DBT: variants seen among roughly 807,000 people sequenced by gnomAD.
The protein encoded by DBT is lipoamide acyltransferase component of branched-chain alpha-keto acid dehydrogenase complex, mitochondrial.
Under a neutral mutation model 51.3 loss-of-function variants are expected in DBT, and 40 were observed. The ratio of observed to expected loss-of-function variants is 0.78; its 90% CI spans 0.61 to 1.02. DBT has a LOEUF of 1.02. Among genes scored for constraint, DBT ranks in the 50% least tolerant of loss-of-function variants. The pLI, the probability that DBT is intolerant of heterozygous loss-of-function variation, is 0.00. For missense variants in DBT, 510 were observed against 580.2 expected (o/e 0.88, Z 1.24); for synonymous variants, 181 against 190.4 (o/e 0.95, Z 0.41).
At chr1:100,219,714 A>T (rs936535618) in intron 4 of DBT, among the ~76,000 whole-genome samples, 6 of 152,048 alleles carry the variant, frequency 3.9e-5, no homozygotes, top group Admixed American at 3.9e-4. Context: ...GCGCCACGGC[A>T]CTCTAGGTTG....
At chr1:100,213,483 T>G in intron 7 of DBT, 1 of 1,546,058 alleles carries the variant, frequency 6.5e-7, no homozygotes, top group Middle Eastern at 1.7e-4. Flanking sequence ...AGCTGGACCG[T>G]CATCCGCTAT....
intron 5 of DBT, among the ~76,000 whole-genome samples, chr1:100,216,859 T>C (rs1662525240): frequency 6.6e-6 from 1 of 152,156 alleles, no homozygotes; most frequent in East Asian, 1.9e-4. Flanking sequence ...TAAATAAAAA[T>C]AAACATAAAA....
intron 4 of DBT, among the ~76,000 whole-genome samples, chr1:100,225,022 C>CA (rs1553231585): frequency 0.33 from 21,546 of 64,546 alleles, 7,215 homozygotes; most frequent in East Asian, 0.56. Flanking sequence ...CGTCTCCCCC[C>CA]AAAAAAAAAA....
At position 100,193,862 on chromosome 1, in the gene DBT, A is replaced by G. The variant is rs1199947327; in HGVS notation, c.*2393T>C. On this transcript the variant is annotated 3_prime_UTR_variant, in exon 11 of 11. Coordinates refer to ENST00000370132, the MANE Select transcript of DBT (RefSeq NM_001918.5). ...GTGATCTACCTGCCTTGGCCTCCCA[A>G]AGTGGTAGGATTACAGGCGTGAGCC... is the stretch of plus-strand genomic sequence containing the variant. The G allele has an allele frequency of 6.6e-6, 1 of 152,236 alleles. No homozygotes were observed. Among genetic ancestry groups the G allele is most frequent in the Non-Finnish European group, 1.5e-5 (1 of 68,060 alleles). The allele number at this position is 152,236 out of a possible 1,614,324, so 9.4% of individuals were successfully genotyped here.
At chr1:100,249,571 G>T (rs1485423827) in intron 1 of DBT, among the ~76,000 whole-genome samples, 199 bp downstream of exon 1, 1 of 152,166 alleles carries the variant, frequency 6.6e-6, no homozygotes, top group Non-Finnish European at 1.5e-5. Flanking sequence ...GCGCTTCCAG[G>T]TAAGGGGAGG....
intron 10 of DBT, among the ~76,000 whole-genome samples, chr1:100,203,537 A>G (rs1661574693): frequency 6.6e-6 from 1 of 152,226 alleles, no homozygotes; most frequent in Non-Finnish European, 1.5e-5. Context: ...AGGAGCTGGT[A>G]CCATTCCTTC....
chr1:100,213,908 G>A (rs972669197), intron 7 of DBT, among the ~76,000 whole-genome samples: 2 of 122,304 alleles, frequency 1.6e-5, no homozygotes, highest in African/African-American at 3.0e-5. Context: ...TTCAATTTGA[G>A]AAAGGTGAGA....
Position 100,191,749 on chromosome 1 carries a change from T to TACACACACAC in DBT, c.*4496_*4505dup, listed in dbSNP as rs1161001732. 6.3e-4 allele frequency: 31 copies of TACACACACAC among 49,014 alleles called. No homozygotes were observed. The highest frequency in any genetic ancestry group is 1.2e-3 in the African/African-American group (31 of 24,990). The allele number at this position is 49,014 out of a possible 1,614,324, so 3.0% of individuals were successfully genotyped here. ...GTGTGTATATATATGTGTGTGTGTATACACACACACACACACACACACACA... is the reference window on the plus strand; with the variant it reads ...GTGTGTATATATATGTGTGTGTGTATACACACACACACACACACACACACACACACACACA... On this transcript the variant is annotated 3_prime_UTR_variant, in exon 11 of 11. Transcript: ENST00000370132.
chr1:100,244,554 CTT>C (rs1172944769), intron 1 of DBT, among the ~76,000 whole-genome samples: 1 of 152,128 alleles, frequency 6.6e-6, no homozygotes, highest in Non-Finnish European at 1.5e-5. Flanking sequence ...GTATTCCTCT[CTT>C]ATCTCCTTAT....
intron 7 of DBT, among the ~76,000 whole-genome samples, chr1:100,213,964 A>AG (rs1482528769): frequency 4.7e-4 from 64 of 135,786 alleles, no homozygotes; most frequent in Non-Finnish European, 5.2e-4. Context: ...AAAAAAAAAA[A>AG]AAAGAGAGAG....
At chr1:100,249,268 T>C (rs1464421871) in intron 1 of DBT, 1 of 236,614 alleles carries the variant, frequency 4.2e-6, no homozygotes, top group African/African-American at 2.2e-5. Context: ...GGTGCGGACA[T>C]AGAAGTACAA....
At chr1:100,237,082 AG>A (rs1663908604) in intron 2 of DBT, among the ~76,000 whole-genome samples, 1 of 152,202 alleles carries the variant, frequency 6.6e-6, no homozygotes, top group Non-Finnish European at 1.5e-5. Context: ...TTTGACAAAT[AG>A]AATATAACAG....
Position 100,228,054 on chromosome 1 carries a change from C to G in DBT, c.433+2679G>C, listed in dbSNP as rs1400969531. Among the ~76,000 whole-genome samples, 6 of 152,126 alleles carry G rather than the reference C, an allele frequency of 3.9e-5. No individual in the cohort carries two copies. The East Asian group carries it at 1.2e-3, about 29-fold the overall frequency. On this transcript the variant is annotated intron_variant, in intron 4 of 10. Transcript: ENST00000370132. ...AAACATGGGGTTTCACCATGTTGGCCAGCCAGGCTGGTCTCAAACTCCTGA... is the reference window on the plus strand; with the variant it reads ...AAACATGGGGTTTCACCATGTTGGCGAGCCAGGCTGGTCTCAAACTCCTGA...
intron 1 of DBT, chr1:100,249,173 G>T: frequency 1.2e-6 from 1 of 814,998 alleles, no homozygotes; most frequent in Non-Finnish European, 1.5e-6. Flanking sequence ...AGTGCTTGGT[G>T]CTAAGACTGG....
chr1:100,196,677 T>G, intron 10 of DBT: 1 of 505,390 alleles, frequency 2.0e-6, no homozygotes, highest in Non-Finnish European at 3.5e-6. Context: ...CATACCTACA[T>G]TCATTAACTT....
At position 100,239,997 on chromosome 1, in the gene DBT, A is replaced by C. The variant is rs192697263; in HGVS notation, c.175+764T>G. 2.6e-5 allele frequency among the ~76,000 whole-genome samples: 4 copies of C among 152,278 alleles called. No homozygotes were observed. The East Asian group carries it at 5.8e-4, about 22-fold the overall frequency. On this transcript the variant is annotated intron_variant, in intron 2 of 10. Coordinates refer to ENST00000370132, the MANE Select transcript of DBT (RefSeq NM_001918.5). ...AAACTTAATAGTGTAACAAAAGTCT[A>C]GGGTTCTTTATCAGGGTTCTAAATA...
chr1:100,231,557 CTT>C (rs1663556445), intron 3 of DBT, among the ~76,000 whole-genome samples: 1 of 152,140 alleles, frequency 6.6e-6, no homozygotes, highest in Admixed American at 6.5e-5. Flanking sequence ...TTATTTCTGA[CTT>C]ATTGCCAGCA....
At chr1:100,213,256 G>T in intron 7 of DBT, 1 of 1,284,206 alleles carries the variant, frequency 7.8e-7, no homozygotes, top group Non-Finnish European at 1.0e-6. Context: ...CGTGCGCCGC[G>T]TCCCCGCCGG....
At chr1:100,216,893 T>C (rs1480777907) in intron 5 of DBT, among the ~76,000 whole-genome samples, 1 of 152,198 alleles carries the variant, frequency 6.6e-6, no homozygotes, top group Admixed American at 6.5e-5. Flanking sequence ...TCCTCATATA[T>C]AGTATGTATT....
Sources: allele counts gnomAD v4.1 joint callset (sites outside exome capture counted in the v4.1 genomes callset), GRCh38; gene constraint gnomAD v4.1.1; transcripts MANE v1.5; gene names NCBI Gene and HGNC (gene_info 2026-07-23, HGNC 2026-07-21).